SCN11A: variants seen among roughly 807,000 people sequenced by gnomAD.
The protein encoded by SCN11A is sodium voltage-gated channel alpha subunit 11, also known as sodium channel protein type 11 subunit alpha.
In SCN11A, 122 loss-of-function variants were observed where a neutral mutation model predicts 162.2. The observed-to-expected ratio is 0.75, with a 90% CI of 0.65 to 0.87. The LOEUF (loss-of-function observed/expected upper bound fraction) is 0.87. Ranked by LOEUF, SCN11A falls within the 40% of genes least tolerant of loss-of-function variation. The probability of loss-of-function intolerance (pLI) is 0.00; values close to 1 mark genes in which losing one functional copy is unlikely to be tolerated. For synonymous variants in SCN11A, 758 were observed against 751.5 expected (o/e 1.01, Z -0.14); for missense variants, 2,015 against 2,181.6 (o/e 0.92, Z 1.52).
At chr3:38,968,978 T>C (rs558790402) in intron 2 of SCN11A, among the ~76,000 whole-genome samples, 2 of 152,318 alleles carry the variant, frequency 1.3e-5, no homozygotes, top group Non-Finnish European at 1.5e-5. Flanking sequence ...CACACACAGA[T>C]ACAAATACAT....
intron 5 of SCN11A, among the ~76,000 whole-genome samples, chr3:38,949,881 T>C (rs1023969452): frequency 1.3e-5 from 2 of 152,098 alleles, no homozygotes; most frequent in Non-Finnish European, 2.9e-5. Context: ...CTCATCCTCA[T>C]CTTCTCCTCT....
intron 2 of SCN11A, among the ~76,000 whole-genome samples, chr3:39,010,108 C>T (rs1285359265): frequency 6.6e-6 from 1 of 152,074 alleles, no homozygotes; most frequent in East Asian, 1.9e-4. Context: ...GCTAAATTCT[C>T]ATCTTCCATA....
rs1022899307 is a variant in SCN11A, at chr3:38,925,533, G to T, written c.618-24C>A. On this transcript the variant is annotated intron_variant, in intron 8 of 29. Transcript: ENST00000302328. ...TCCTACAAGACAAAGCACAGGGAAG[G>T]CATGGGCTTGCTCAGTCCTGCAGCT... 5 of 1,518,622 alleles carry T rather than the reference G, an allele frequency of 3.3e-6. No individual in the cohort carries two copies. The Admixed American group carries it at 5.0e-5, about 15-fold the overall frequency. 94.1% of individuals were successfully genotyped at this position (1,518,622 alleles called of 1,614,324 possible). A position where few individuals can be genotyped will look rare whatever the true frequency, so the allele number is the denominator to read the frequency against.
chr3:39,001,830 C>T (rs548057464), intron 2 of SCN11A, among the ~76,000 whole-genome samples: 1 of 152,050 alleles, frequency 6.6e-6, no homozygotes. Context: ...GTCAGGAGGT[C>T]GAGACCATCC....
At chr3:39,018,280 A>G (rs1414227707) in intron 2 of SCN11A, among the ~76,000 whole-genome samples, 2 of 152,164 alleles carry the variant, frequency 1.3e-5, no homozygotes, top group Non-Finnish European at 2.9e-5. Context: ...AACTCTCTAC[A>G]GATCTCTGGG....
Position 38,896,984 on chromosome 3 carries a change from C to A in SCN11A, c.2264G>T (p.Trp755Leu), listed in dbSNP as rs1452735876. Residue 755 changes from tryptophan (W) to leucine (L), a missense_variant, in exon 18 of 30, where the codon TGG (tryptophan) becomes TTG (leucine). Transcript: ENST00000302328. Reference sequence around the variant, plus strand: ...GCGGAATACCACTAGGAAGGAGTGCCAGAAATCCCCCATGTGCCAGTGCCG... The same window carrying A: ...GCGGAATACCACTAGGAAGGAGTGCAAGAAATCCCCCATGTGCCAGTGCCG... ...CLRHWHMGDF[W>L]HSFLVVFRIL... The A allele has an allele frequency of 6.2e-7, 1 of 1,614,070 alleles. No individual in the cohort carries two copies. The highest frequency in any genetic ancestry group is 1.7e-5 in the Admixed American group (1 of 60,018).
chr3:38,929,128 T>TGTGTGC (rs2066193432), intron 7 of SCN11A, among the ~76,000 whole-genome samples: 1 of 84,062 alleles, frequency 1.2e-5, no homozygotes, highest in African/African-American at 3.1e-5. Context: ...ATACTGGGTC[T>TGTGTGC]GTGCACGCAC....
chr3:38,902,291 A>G (rs756944683), intron 16 of SCN11A, among the ~76,000 whole-genome samples: 2 of 152,204 alleles, frequency 1.3e-5, no homozygotes, highest in African/African-American at 2.4e-5. Context: ...ATCTGTTACA[A>G]GCAACTATGT....
intron 2 of SCN11A, among the ~76,000 whole-genome samples, chr3:38,964,097 G>A (rs1170189176): frequency 6.6e-6 from 1 of 152,234 alleles, no homozygotes; most frequent in African/African-American, 2.4e-5. Flanking sequence ...TAAAACATGT[G>A]TCTGACAAAT....
At chr3:38,901,588 G>C (rs1020009640) in intron 16 of SCN11A, among the ~76,000 whole-genome samples, 2 of 152,164 alleles carry the variant, frequency 1.3e-5, no homozygotes, top group Admixed American at 1.3e-4. Context: ...CTCTACCCTA[G>C]AGAGTTAATT....
intron 23 of SCN11A, among the ~76,000 whole-genome samples, chr3:38,877,048 T>C (rs535832512): frequency 2.2e-3 from 84 of 38,662 alleles, no homozygotes; most frequent in African/African-American, 5.4e-3. Context: ...ATATGGTGTA[T>C]ATACTATATA....
intron 2 of SCN11A, among the ~76,000 whole-genome samples, chr3:38,975,422 G>C (rs2066844377): frequency 6.6e-6 from 1 of 152,184 alleles, no homozygotes; most frequent in South Asian, 2.1e-4. Context: ...AGGTAAGCTG[G>C]AAATAAAATA....
At chr3:38,891,674 C>T (rs1434128649) in intron 19 of SCN11A, among the ~76,000 whole-genome samples, 1 of 152,160 alleles carries the variant, frequency 6.6e-6, no homozygotes, top group Non-Finnish European at 1.5e-5. Context: ...CATAACATGG[C>T]AGAAGGCATC....
At chr3:38,925,061 A>G (rs1445391619) in intron 9 of SCN11A, among the ~76,000 whole-genome samples, 1 of 152,082 alleles carries the variant, frequency 6.6e-6, no homozygotes, top group African/African-American at 2.4e-5. Flanking sequence ...GACTTCCCAT[A>G]GCCCTCATGG....
At chr3:39,045,772 T>C (rs1396882481) in intron 1 of SCN11A, among the ~76,000 whole-genome samples, 5 of 152,094 alleles carry the variant, frequency 3.3e-5, no homozygotes, top group South Asian at 2.1e-4. Context: ...TTATTCAACA[T>C]AGTATGGAGA....
chr3:38,850,931 A>G (rs143953813), intron 28 of SCN11A, among the ~76,000 whole-genome samples, 180 bp from the exon 29 acceptor site: 6 of 152,284 alleles, frequency 3.9e-5, no homozygotes, highest in African/African-American at 1.4e-4. Context: ...TGCCTTATAT[A>G]TTTTCATTAA....
intron 2 of SCN11A, among the ~76,000 whole-genome samples, chr3:38,975,383 T>C (rs1040935438): frequency 6.6e-6 from 1 of 152,182 alleles, no homozygotes; most frequent in Non-Finnish European, 1.5e-5. Context: ...TAATGTCTAA[T>C]AGAATAATGT....
At chr3:39,049,905 C>A (rs964478220) in intron 1 of SCN11A, among the ~76,000 whole-genome samples, 8 of 152,268 alleles carry the variant, frequency 5.3e-5, no homozygotes, top group African/African-American at 1.7e-4. Flanking sequence ...AACATCAAAA[C>A]ATACTGGTGA....
chr3:38,931,772 T>G (rs73068579), intron 7 of SCN11A, among the ~76,000 whole-genome samples: 31,198 of 152,180 alleles, frequency 0.21, 3,599 homozygotes, highest in African/African-American at 0.3. Flanking sequence ...GCTTTCACCA[T>G]CATACCTCTA....
Sources: allele counts gnomAD v4.1 joint callset (sites outside exome capture counted in the v4.1 genomes callset), GRCh38; gene constraint gnomAD v4.1.1; transcripts MANE v1.5; gene names NCBI Gene and HGNC (gene_info 2026-07-23, HGNC 2026-07-21).